Variants in LRP1B observed in about 807,000 individuals in gnomAD.
LRP1B encodes the protein LDL receptor related protein 1B, also known as low-density lipoprotein receptor-related protein 1B.
A neutral mutation model predicts 556.6 loss-of-function variants in LRP1B; 217 were observed. The ratio of observed to expected loss-of-function variants is 0.39; its 90% confidence interval spans 0.35 to 0.44. The LOEUF is 0.44. LRP1B is among the 20% of genes least tolerant of loss of function. LRP1B has a pLI of 1.00. For missense variants in LRP1B, 5,053 were observed against 5,620.8 expected (o/e 0.90, Z 3.23); for synonymous variants, 2,047 against 1,865.8 (o/e 1.10, Z -2.50).
chr2:141,024,555 A>T (rs1698164106), intron 11 of LRP1B, among the ~76,000 whole-genome samples: 1 of 152,052 alleles, frequency 6.6e-6, no homozygotes, highest in Admixed American at 6.6e-5. Context: ...ATGGACAAGT[A>T]AAGATAGTGT....
At chr2:141,202,426 A>G (rs1375659828) in intron 6 of LRP1B, among the ~76,000 whole-genome samples, 1 of 152,186 alleles carries the variant, frequency 6.6e-6, no homozygotes, top group Non-Finnish European at 1.5e-5. Flanking sequence ...TTCTGGGTAT[A>G]TACCCAGTAA....
At chr2:140,897,024 CT>C (rs1693973883) in intron 23 of LRP1B, among the ~76,000 whole-genome samples, 1 of 152,112 alleles carries the variant, frequency 6.6e-6, no homozygotes, top group East Asian at 1.9e-4. Flanking sequence ...AGAATAAAGC[CT>C]TTTTTCTTCA....
At chr2:141,751,524 A>G (rs1165216610) in intron 2 of LRP1B, among the ~76,000 whole-genome samples, 3 of 152,094 alleles carry the variant, frequency 2.0e-5, no homozygotes, top group South Asian at 4.1e-4. Flanking sequence ...ATGAGTGACA[A>G]CTGTGCTGAT....
Position 140,364,898 on chromosome 2 carries a change from GTAT to G in LRP1B, c.11009-118_11009-116del, listed in dbSNP as rs538311601. On this transcript the variant is annotated intron_variant, in intron 71 of 90. Coordinates refer to ENST00000389484, the MANE Select transcript of LRP1B (RefSeq NM_018557.3). The stretch of plus-strand genomic sequence containing the variant: ...TATCTAGTTGACTGCTTCCATATAT[GTAT>G]TATATTTATTTCAAGCATAATACCA... The G allele has an allele frequency of 7.4e-4, 570 of 767,448 alleles. 4 individuals are homozygous for G. The African/African-American group carries it at 9.2e-3, about 12-fold the overall frequency. 47.5% of individuals were successfully genotyped at this position (767,448 alleles called of 1,614,324 possible).
intron 21 of LRP1B, among the ~76,000 whole-genome samples, chr2:140,911,072 G>T (rs1308215737): frequency 1.3e-5 from 2 of 151,766 alleles, no homozygotes; most frequent in Non-Finnish European, 3.0e-5. Context: ...ATACATTAAA[G>T]GTATATGCTT....
intron 3 of LRP1B, among the ~76,000 whole-genome samples, chr2:141,428,210 C>A (rs373639523): frequency 6.6e-6 from 1 of 152,018 alleles, no homozygotes; most frequent in East Asian, 1.9e-4. Flanking sequence ...AGGTTGAATC[C>A]ATTTCCTTTA....
At position 140,908,026 on chromosome 2, in the gene LRP1B, T is replaced by C. The variant is rs1285275028; in HGVS notation, c.3371A>G (p.Asp1124Gly). ...GTCACAGTCATCTTCATCTGACTGA[T>C]CTTCGCAATCAATATCTCCATCACA... ...WVCDGDIDCE[D>G]QSDEDDCDSF... is the part of the protein sequence containing the mutation. The change falls in exon 22 of 91, where the codon GAT becomes GGT. Residue 1124 changes from aspartate to glycine, a missense_variant. By Grantham distance (94) the Asp-to-Gly change is moderately conservative (BLOSUM62 -1). Coordinates refer to ENST00000389484, the MANE Select transcript of LRP1B (RefSeq NM_018557.3). 1.2e-6 allele frequency: 2 copies of C among 1,613,366 alleles called. No homozygotes were observed. Among genetic ancestry groups the C allele is most frequent in the Non-Finnish European group, 1.7e-6 (2 of 1,179,680 alleles).
At chr2:141,139,773 T>C (rs1158660242) in intron 7 of LRP1B, among the ~76,000 whole-genome samples, 2 of 133,830 alleles carry the variant, frequency 1.5e-5, no homozygotes, top group Non-Finnish European at 3.2e-5. Flanking sequence ...TACAGCCACA[T>C]TGGAAAAATG....
chr2:140,447,842 T>C (rs934402925), intron 63 of LRP1B, among the ~76,000 whole-genome samples: 1 of 152,030 alleles, frequency 6.6e-6, no homozygotes, highest in Admixed American at 6.6e-5. Context: ...TGTGGGCTAT[T>C]AGTTGACCTA....
At chr2:141,519,421 A>T (rs1684456860) in intron 2 of LRP1B, among the ~76,000 whole-genome samples, 1 of 136,268 alleles carries the variant, frequency 7.3e-6, no homozygotes, top group Non-Finnish European at 1.6e-5. Flanking sequence ...ATATTTATTG[A>T]ATTTAGTTTT....
chr2:141,774,396 C>T (rs1015712267), intron 2 of LRP1B, among the ~76,000 whole-genome samples: 2 of 151,848 alleles, frequency 1.3e-5, no homozygotes, highest in African/African-American at 4.8e-5. Flanking sequence ...AGGGGAGGTC[C>T]CAGACCCTTT....
At chr2:140,748,866 C>T (rs1688472690) in intron 35 of LRP1B, among the ~76,000 whole-genome samples, 1 of 85,778 alleles carries the variant, frequency 1.2e-5, no homozygotes, top group South Asian at 4.3e-4. Context: ...TATACACACA[C>T]ACACACAGAG....
chr2:140,706,170 T>C (rs1246316089), intron 37 of LRP1B, among the ~76,000 whole-genome samples: 37 of 152,160 alleles, frequency 2.4e-4, no homozygotes, highest in Non-Finnish European at 1.6e-4. Context: ...TATTTGTCCC[T>C]GGTTTTTGAC....
chr2:140,796,900 A>T (rs931354684), intron 32 of LRP1B, among the ~76,000 whole-genome samples: 2 of 152,080 alleles, frequency 1.3e-5, no homozygotes, highest in Non-Finnish European at 2.9e-5. Flanking sequence ...TAAATAGAAT[A>T]CCATTAAATC....
intron 41 of LRP1B, among the ~76,000 whole-genome samples, chr2:140,661,333 G>A (rs1402098794): frequency 6.6e-6 from 1 of 151,920 alleles, no homozygotes; most frequent in Non-Finnish European, 1.5e-5. Context: ...ACATTACCAG[G>A]ATTTTGAGAC....
intron 7 of LRP1B, among the ~76,000 whole-genome samples, chr2:141,162,647 A>C (rs1680087141): frequency 6.6e-6 from 1 of 152,154 alleles, no homozygotes; most frequent in African/African-American, 2.4e-5. Flanking sequence ...TGATATAAAC[A>C]CAAAATAACT....
At chr2:141,124,715 C>G (rs1701158104) in intron 7 of LRP1B, among the ~76,000 whole-genome samples, 1 of 143,828 alleles carries the variant, frequency 7.0e-6, no homozygotes. Flanking sequence ...TTAAAAGGTA[C>G]AAAACAATCT....
rs559195341 is a variant in LRP1B at position 141,567,383 on chromosome 2, G to T, written c.206-86850C>A. 2.6e-3 allele frequency among the ~76,000 whole-genome samples: 390 copies of T among 152,074 alleles called. 3 individuals are homozygous for T. The highest frequency in any genetic ancestry group is 9.0e-3 in the African/African-American group (375 of 41,496). The stretch of plus-strand genomic sequence containing the variant: ...TCATAGGCTAAGGATTTTGTTATTT[G>T]TTTCAAAGAACAAAAACCAATAGAT... On this transcript the variant is annotated intron_variant, in intron 2 of 90. Transcript: ENST00000389484.
Position 141,464,606 on chromosome 2 carries a change from A to ATATTTTTTTTTTTTTTTTTTTTTT in LRP1B, c.343+15789_343+15790insAAAAAAAAAAAAAAAAAAAAAATA. The stretch of plus-strand genomic sequence containing the variant: ...TTTGTATATATATATATATATATAT[A>ATATTTTTTTTTTTTTTTTTTTTTT]TTTTTTTAGTAGAGATGGGGTTTCA... On this transcript the variant is annotated intron_variant, in intron 3 of 90. Coordinates refer to ENST00000389484, the MANE Select transcript of LRP1B (RefSeq NM_018557.3). 2.0e-4 allele frequency among the ~76,000 whole-genome samples: 18 copies of ATATTTTTTTTTTTTTTTTTTTTTT among 90,532 alleles called. 1 individual carries two copies. Among genetic ancestry groups the ATATTTTTTTTTTTTTTTTTTTTTT allele is most frequent in the Admixed American group, 2.5e-4 (2 of 8,080 alleles). 59.4% of individuals were successfully genotyped at this position (90,532 alleles called of 152,430 possible).
Sources: allele counts gnomAD v4.1 joint callset (sites outside exome capture counted in the v4.1 genomes callset), GRCh38; gene constraint gnomAD v4.1.1; transcripts MANE v1.5; gene names NCBI Gene and HGNC (gene_info 2026-07-23, HGNC 2026-07-21).